HCFC1R1: variants seen among roughly 807,000 people sequenced by gnomAD.
HCFC1R1 encodes host cell factor C1 regulator 1, also known as HCF-1 beta-propeller-interacting protein.
Under a neutral mutation model 13.3 loss-of-function variants are expected in HCFC1R1, and 17 were observed. The ratio of observed to expected loss-of-function variants is 1.28; its 90% confidence interval spans 0.87 to 1.91. HCFC1R1 has a LOEUF of 1.91. Among genes scored for constraint, HCFC1R1 ranks in the 40% most tolerant of loss-of-function variants. The pLI is 0.00. For missense variants in HCFC1R1, 218 were observed against 177.9 expected (o/e 1.23, Z -1.28); for synonymous variants, 87 against 71.1 (o/e 1.22, Z -1.12).
In HCFC1R1 at chr16:3,023,304, T is replaced by C; in HGVS notation, c.210A>G (p.Gln70=). 6.3e-7 allele frequency: 1 copy of C among 1,596,992 alleles called. No homozygotes were observed. Among genetic ancestry groups the C allele is most frequent in the South Asian group, 1.1e-5 (1 of 88,986 alleles). The part of the protein sequence containing the change: ...SEENMATHFS[Q]LSLHNDHPYC... Reference sequence around the variant, plus strand: ...AGGGGTGGTCATTGTGCAGGCTGAGTTGAGAGAAGTGGGTGGCCATGTTCT... The same window carrying C: ...AGGGGTGGTCATTGTGCAGGCTGAGCTGAGAGAAGTGGGTGGCCATGTTCT... Residue 70 remains glutamine, a synonymous_variant, in exon 3 of 4, where the codon CAA becomes CAG. Coordinates refer to ENST00000248089, the MANE Select transcript of HCFC1R1 (RefSeq NM_017885.4).
At position 3,023,254 on chromosome 16, in the gene HCFC1R1, GAGA is replaced by G. The variant is rs2072663357; in HGVS notation, c.257_259del (p.Phe86del). 15 of 1,563,832 alleles carry G rather than the reference GAGA, an allele frequency of 9.6e-6. No individual in the cohort carries two copies. The East Asian group carries it at 2.9e-4, about 31-fold the overall frequency. On this transcript the variant is annotated inframe_deletion, in exon 3 of 4. Coordinates refer to ENST00000248089, the MANE Select transcript of HCFC1R1 (RefSeq NM_017885.4). The stretch of plus-strand genomic sequence containing the variant: ...CTACCTGAGTGGGGGCAGGGCTGGG[GAGA>G]AGGTCATGGGGGGGCTGCAGTAGGG...
At chr16:3,023,990 T>G, upstream of HCFC1R1, 1 of 1,371,946 alleles carries the variant, frequency 7.3e-7, no homozygotes, top group Non-Finnish European at 9.9e-7. Context: ...GGGAGGAGTC[T>G]CTGAGGGCGT....
At chr16:3,024,002 G>T, upstream of HCFC1R1, 3 of 1,276,808 alleles carry the variant, frequency 2.3e-6, no homozygotes, top group Non-Finnish European at 2.2e-6. Context: ...TGAGGGCGTG[G>T]CCAAGAGAGG....
Position 3,023,785 on chromosome 16 carries a change from T to G in HCFC1R1, c.95+62A>C, listed in dbSNP as rs867796758. ...CCGTATTCATCCTGCAGACCAGTCC[T>G]GAGCACCCAGCCAAAGCTCCTGCGG... On this transcript the variant is annotated intron_variant, in intron 1 of 3. Coordinates refer to ENST00000248089, the MANE Select transcript of HCFC1R1 (RefSeq NM_017885.4). 1.5e-5 allele frequency: 20 copies of G among 1,325,782 alleles called. No homozygotes were observed. The Middle Eastern group carries it at 8.7e-4, about 57-fold the overall frequency. 82.1% of individuals were successfully genotyped at this position (1,325,782 alleles called of 1,614,324 possible). A position where few individuals can be genotyped will look rare whatever the true frequency, so the allele number is the denominator to read the frequency against.
At chr16:3,024,248 G>T (rs918290887), upstream of HCFC1R1, 203 of 1,586,634 alleles carry the variant, frequency 1.3e-4, no homozygotes, top group Non-Finnish European at 1.6e-4. Context: ...GGGCGCCACG[G>T]AGAGGAACCG....
upstream of HCFC1R1, chr16:3,023,944 G>A: frequency 6.5e-7 from 1 of 1,549,150 alleles, no homozygotes; most frequent in Non-Finnish European, 8.7e-7. Context: ...AGGATCATTG[G>A]GTTTTGGGGT....
Position 3,022,859 on chromosome 16 carries a change from G to A in HCFC1R1, c.*4C>T, listed in dbSNP as rs780056384. 1 of 1,520,294 alleles carries A rather than the reference G, an allele frequency of 6.6e-7. No individual in the cohort carries two copies. The highest frequency in any genetic ancestry group is 2.6e-5 in the Admixed American group (1 of 38,700). 94.2% of individuals were successfully genotyped at this position (1,520,294 alleles called of 1,614,324 possible). A position where few individuals can be genotyped will look rare whatever the true frequency, so the allele number is the denominator to read the frequency against. ...AAGGTGGGAGGGGCACTGTCCACCA[G>A]CACTCAGAGCTCCATTATGTCCCCA... On this transcript the variant is annotated 3_prime_UTR_variant, in exon 4 of 4. Transcript: ENST00000248089.
chr16:3,024,246 C>A (rs1294969750), upstream of HCFC1R1: 21 of 1,580,240 alleles, frequency 1.3e-5, no homozygotes, highest in African/African-American at 2.7e-5. Context: ...TAGGGCGCCA[C>A]GGAGAGGAAC....
Position 3,022,934 on chromosome 16 carries a change from G to A in HCFC1R1, c.346C>T (p.Leu116=), listed in dbSNP as rs2072645864. 1 of 1,575,256 alleles carries A rather than the reference G, an allele frequency of 6.3e-7. No individual in the cohort carries two copies. The highest frequency in any genetic ancestry group is 8.6e-7 in the Non-Finnish European group (1 of 1,168,758). The part of the protein sequence containing the change: ...PGSLIPEALR[L]LRLGDTPSPP... Reference sequence around the variant, plus strand: ...CTGGGGGTGTCCCCCAGCCTCAGCAGACGGAGGGCCTCAGGGATGAGGCTG... The same window carrying A: ...CTGGGGGTGTCCCCCAGCCTCAGCAAACGGAGGGCCTCAGGGATGAGGCTG... Residue 116 remains leucine (L), a synonymous_variant, in exon 4 of 4, where the codon CTG becomes TTG. Coordinates refer to ENST00000248089, the MANE Select transcript of HCFC1R1 (RefSeq NM_017885.4).
Position 3,023,212 on chromosome 16 carries a change from C to A in HCFC1R1, c.281+21G>T, listed in dbSNP as rs753921565. The A allele has an allele frequency of 6.5e-6, 10 of 1,541,232 alleles. No individual in the cohort carries two copies. In the Admixed American group the frequency reaches 8.4e-5, roughly 13 times the overall value. On this transcript the variant is annotated intron_variant, in intron 3 of 3. Coordinates refer to ENST00000248089, the MANE Select transcript of HCFC1R1 (RefSeq NM_017885.4). ...GACCGCCTGTGATTCTGCAGAAGGCCTGGCCAGTGGAGGAACCTACCTGAG... is the reference window on the plus strand; with the variant it reads ...GACCGCCTGTGATTCTGCAGAAGGCATGGCCAGTGGAGGAACCTACCTGAG...
chr16:3,023,064 G>C, intron 3 of HCFC1R1, 66 bp from the exon 4 acceptor site: 1 of 1,559,384 alleles, frequency 6.4e-7, no homozygotes, highest in South Asian at 1.2e-5. Flanking sequence ...CTCCCACCAG[G>C]TCCAGGTCCC....
At chr16:3,023,822 G>A in intron 1 of HCFC1R1, 25 bp downstream of exon 1, 3 of 1,515,974 alleles carry the variant, frequency 2.0e-6, no homozygotes, top group Non-Finnish European at 2.7e-6. Flanking sequence ...CCTTGGTCAG[G>A]CCCACCCTGG....
chr16:3,023,990 T>C (rs569384187), upstream of HCFC1R1: 4 of 1,371,946 alleles, frequency 2.9e-6, no homozygotes, highest in Non-Finnish European at 4.0e-6. Context: ...GGGAGGAGTC[T>C]CTGAGGGCGT....
At position 3,023,216 on chromosome 16, in the gene HCFC1R1, C is replaced by T; in HGVS notation, c.281+17G>A. On this transcript the variant is annotated intron_variant, in intron 3 of 3. Coordinates refer to ENST00000248089, the MANE Select transcript of HCFC1R1 (RefSeq NM_017885.4). ...GCCTGTGATTCTGCAGAAGGCCTGG[C>T]CAGTGGAGGAACCTACCTGAGTGGG... 3 of 1,541,752 alleles carry T rather than the reference C, an allele frequency of 1.9e-6. No individual in the cohort carries two copies. The highest frequency in any genetic ancestry group is 2.6e-6 in the Non-Finnish European group (3 of 1,145,556).
upstream of HCFC1R1, chr16:3,024,265 G>A: frequency 3.1e-6 from 5 of 1,608,390 alleles, no homozygotes; most frequent in Non-Finnish European, 4.3e-6. Flanking sequence ...ACCGCTCTAG[G>A]CACGTAAGGC....
At chr16:3,024,275 CCTCG>C, upstream of HCFC1R1, 1 of 1,612,202 alleles carries the variant, frequency 6.2e-7, no homozygotes, top group Admixed American at 1.7e-5. Flanking sequence ...GCACGTAAGG[CCTCG>C]TGAGGTTGCG....
intron 1 of HCFC1R1, 116 bp from the exon 2 acceptor site, chr16:3,023,646 T>G: frequency 7.9e-7 from 1 of 1,266,182 alleles, no homozygotes; most frequent in Non-Finnish European, 1.1e-6. Flanking sequence ...TCTCAGCTGG[T>G]GCCGGTCCCC....
upstream of HCFC1R1, chr16:3,024,095 G>C: frequency 1.4e-6 from 1 of 735,494 alleles, no homozygotes; most frequent in Admixed American, 2.7e-5. Context: ...AGGCAGGCTT[G>C]CTCCTCGGGG....
chr16:3,023,707 G>T, intron 1 of HCFC1R1, 140 bp downstream of exon 1: 3 of 1,023,448 alleles, frequency 2.9e-6, no homozygotes, highest in African/African-American at 1.6e-5. Context: ...ACCCTCAGCC[G>T]CAGCCCCAGT....
Sources: allele counts gnomAD v4.1 joint callset, GRCh38; gene constraint gnomAD v4.1.1; transcripts MANE v1.5; gene names NCBI Gene and HGNC (gene_info 2026-07-23, HGNC 2026-07-21).